Variants in ZC3H14 observed in about 807,000 individuals in gnomAD.
ZC3H14 encodes the protein zinc finger CCCH-type containing 14, also known as zinc finger CCCH domain-containing protein 14.
A neutral mutation model predicts 92.4 loss-of-function variants in ZC3H14; 31 were observed. The ratio of observed to expected loss-of-function variants is 0.34; its 90% confidence interval spans 0.25 to 0.45. The LOEUF (loss-of-function observed/expected upper bound fraction) is 0.45. ZC3H14 is among the 20% of genes least tolerant of loss of function. ZC3H14 has a pLI of 1.00. For synonymous variants in ZC3H14, 321 were observed against 300.9 expected (o/e 1.07, Z -0.69); for missense variants, 781 against 897.3 (o/e 0.87, Z 1.66).
chr14:88,601,070 G>A (rs2140049409), intron 10 of ZC3H14, among the ~76,000 whole-genome samples: 1 of 152,208 alleles, frequency 6.6e-6, no homozygotes, highest in South Asian at 2.1e-4. Context: ...GCTGGAGTGG[G>A]CTGTTCTGTA....
rs1023882417 is a variant in ZC3H14, at chr14:88,615,910, C to T, written c.*4159C>T. On this transcript the variant is annotated 3_prime_UTR_variant, in exon 17 of 17. Transcript: ENST00000251038. ...TAATTATGTTTTTAGATTTTCATAA[C>T]AGTTTAATATTTTTCAGTTGTGCTT... 10 of 1,561,148 alleles carry T rather than the reference C, an allele frequency of 6.4e-6. No homozygotes were observed. The Admixed American group carries it at 1.7e-4, about 26-fold the overall frequency.
intron 9 of ZC3H14, among the ~76,000 whole-genome samples, chr14:88,593,305 A>C (rs772182279): frequency 6.6e-6 from 1 of 152,192 alleles, no homozygotes; most frequent in Admixed American, 6.5e-5. Flanking sequence ...GTAGTCCCCA[A>C]GTTGATCTAT....
In ZC3H14 at chr14:88,620,456, A is replaced by G. The variant is rs771001547; in HGVS notation, c.*8705A>G. 1 of 240,220 alleles carries G rather than the reference A, an allele frequency of 4.2e-6. No individual in the cohort carries two copies. Among genetic ancestry groups the G allele is most frequent in the African/African-American group, 2.2e-5 (1 of 44,838 alleles). The allele number at this position is 240,220 out of a possible 1,614,324, so 14.9% of individuals were successfully genotyped here. On this transcript the variant is annotated 3_prime_UTR_variant, in exon 17 of 17. Transcript: ENST00000251038. The surrounding 1 kb of genome is among the most constrained non-coding windows in gnomAD (Gnocchi z 4.3). ...TTTGAAGGGCAGATAGCTCTCTTGTATTACAGTGGGAGATACCTCTTGGTG... is the reference window on the plus strand; with the variant it reads ...TTTGAAGGGCAGATAGCTCTCTTGTGTTACAGTGGGAGATACCTCTTGGTG...
At chr14:88,607,569 T>C (rs1405338096) in intron 13 of ZC3H14, among the ~76,000 whole-genome samples, 51 of 109,410 alleles carry the variant, frequency 4.7e-4, no homozygotes, top group South Asian at 1.0e-3. Context: ...CCATCCCCCA[T>C]CTCACCCTGC....
chr14:88,580,062 G>A (rs1398665607), intron 9 of ZC3H14, among the ~76,000 whole-genome samples: 1 of 152,126 alleles, frequency 6.6e-6, no homozygotes, highest in African/African-American at 2.4e-5. Context: ...GCTGGGCAAG[G>A]TATACACCTG....
intron 4 of ZC3H14, 110 bp from the exon 5 acceptor site, chr14:88,571,920 C>T (rs535471294): frequency 3.9e-5 from 34 of 865,822 alleles, no homozygotes; most frequent in Admixed American, 1.3e-4. Context: ...GCCGAGAACG[C>T]GCCACTGCCC....
chr14:88,583,889 G>T (rs751217240), intron 9 of ZC3H14, among the ~76,000 whole-genome samples: 1 of 152,128 alleles, frequency 6.6e-6, no homozygotes, highest in Non-Finnish European at 1.5e-5. Flanking sequence ...CTTACCACTT[G>T]AGAAAGGGTG....
chr14:88,594,878 A>G lies in ZC3H14; in HGVS notation c.1280-1856A>G, dbSNP rs538186371. On this transcript the variant is annotated intron_variant, in intron 9 of 16. Transcript: ENST00000251038. ...TTAAGGAAAATATCAGCTGATATCA[A>G]TGAAATTAAAGGAATGAAAGCAGCT... 7.5e-5 allele frequency: 121 copies of G among 1,614,078 alleles called. No homozygotes were observed. Among genetic ancestry groups the G allele is most frequent in the Middle Eastern group, 3.3e-4 (2 of 6,062 alleles).
At chr14:88,585,440 G>A (rs182120662) in intron 9 of ZC3H14, among the ~76,000 whole-genome samples, 9 of 149,826 alleles carry the variant, frequency 6.0e-5, no homozygotes, top group Admixed American at 4.7e-4. Flanking sequence ...GTAGTAGCGC[G>A]ATCTCGGCTC....
intron 4 of ZC3H14, among the ~76,000 whole-genome samples, chr14:88,571,514 G>T (rs907561186): frequency 1.3e-5 from 2 of 151,896 alleles, no homozygotes; most frequent in Non-Finnish European, 2.9e-5. Context: ...GAATATACAC[G>T]CATAAGATAC....
In ZC3H14 at chr14:88,601,140, C is replaced by G. The variant is rs78738706; in HGVS notation, c.1355-784C>G. 8.7e-3 allele frequency among the ~76,000 whole-genome samples: 1,326 copies of G among 152,182 alleles called. 7 individuals are homozygous for G. Among genetic ancestry groups the G allele is most frequent in the African/African-American group, 0.03 (1,262 of 41,532 alleles). ...TGCTATTCTGAAATTGTATATGTGTCTGTTTTTCTTTTTTTCTTTGTGTAT... is the reference window on the plus strand; with the variant it reads ...TGCTATTCTGAAATTGTATATGTGTGTGTTTTTCTTTTTTTCTTTGTGTAT... On this transcript the variant is annotated intron_variant, in intron 10 of 16. Coordinates refer to ENST00000251038, the MANE Select transcript of ZC3H14 (RefSeq NM_024824.5).
At chr14:88,571,908 G>A (rs1444090932) in intron 4 of ZC3H14, 122 bp from the exon 5 acceptor site, 1 of 700,918 alleles carries the variant, frequency 1.4e-6, no homozygotes, top group Non-Finnish European at 2.1e-6. Flanking sequence ...AGGTTGCAGG[G>A]AGCCGAGAAC....
At chr14:88,572,316 A>G (rs774107764) in intron 5 of ZC3H14, 91 bp downstream of exon 5, 10 of 1,414,246 alleles carry the variant, frequency 7.1e-6, no homozygotes, top group Non-Finnish European at 8.8e-6. Flanking sequence ...TGCTGTTCTC[A>G]GCAATTTTTA....
In ZC3H14 at chr14:88,578,005, C is replaced by A. The variant is rs1323594222; in HGVS notation, c.1144C>A (p.Pro382Thr). 1 of 1,614,130 alleles carries A rather than the reference C, an allele frequency of 6.2e-7. No individual in the cohort carries two copies. The highest frequency in any genetic ancestry group is 2.2e-5 in the East Asian group (1 of 44,890). The change falls in exon 9 of 17, where the codon CCA (proline) becomes ACA (threonine). Residue 382 changes from proline (P) to threonine (T), a missense_variant. Physicochemically the swap from Pro to Thr is conservative, Grantham distance 38. Coordinates refer to ENST00000251038, the MANE Select transcript of ZC3H14 (RefSeq NM_024824.5). ...YSTVPQKQTL[P>T]VAPRTRTSQE... is the part of the protein sequence containing the mutation. Reference sequence around the variant, plus strand: ...GAAAGTTCCACAGAAACAGACACTTCCAGTTGCTCCCAGAACTCGAACTTC... The same window carrying A: ...GAAAGTTCCACAGAAACAGACACTTACAGTTGCTCCCAGAACTCGAACTTC...
Position 88,621,220 on chromosome 14 carries a change from C to T in ZC3H14, c.*9469C>T, listed in dbSNP as rs761720203. On this transcript the variant is annotated 3_prime_UTR_variant, in exon 17 of 17. Transcript: ENST00000251038. The stretch of plus-strand genomic sequence containing the variant: ...CCCCAGATTGGCCCATCCACATGAC[C>T]GTTAACTAAAATATTACAAGCTGCA... 2.0e-5 allele frequency: 32 copies of T among 1,613,922 alleles called. No homozygotes were observed. The East Asian group carries it at 3.1e-4, about 16-fold the overall frequency.
chr14:88,591,688 T>C (rs1595696373), intron 9 of ZC3H14: 1 of 152,252 alleles, frequency 6.6e-6, no homozygotes, highest in Admixed American at 6.5e-5. Context: ...TGATGTGTAT[T>C]GGTGTCGTCT....
chr14:88,608,775 T>A (rs2086039988), intron 13 of ZC3H14: 1 of 162,460 alleles, frequency 6.2e-6, no homozygotes, highest in South Asian at 1.8e-4. Flanking sequence ...CTCAATGTAA[T>A]GAGCTTTATG....
At chr14:88,607,688 G>A (rs1316410232) in intron 13 of ZC3H14, among the ~76,000 whole-genome samples, 1 of 134,568 alleles carries the variant, frequency 7.4e-6, no homozygotes, top group Non-Finnish European at 1.6e-5. Flanking sequence ...CACCCTGCAA[G>A]TACCACCCCC....
At chr14:88,563,258 C>G (rs1329341801) in intron 1 of ZC3H14, 89 bp downstream of exon 1, 8 of 1,547,070 alleles carry the variant, frequency 5.2e-6, no homozygotes, top group Non-Finnish European at 6.1e-6. Context: ...CCCGGGTGGA[C>G]GCCGCGGCCT....
Sources: allele counts gnomAD v4.1 joint callset (sites outside exome capture counted in the v4.1 genomes callset), GRCh38; gene constraint gnomAD v4.1.1; non-coding constraint Gnocchi (gnomAD v3.1); transcripts MANE v1.5; gene names NCBI Gene and HGNC (gene_info 2026-07-23, HGNC 2026-07-21).